Variants in WWOX observed in about 807,000 individuals in gnomAD.
WWOX encodes the protein WW domain containing oxidoreductase.
Under a neutral mutation model 46.2 loss-of-function variants are expected in WWOX, and 69 were observed. That is an observed-to-expected ratio of 1.49 (90% CI 1.23 to 1.82). WWOX has a LOEUF of 1.82. WWOX is among the 40% of genes most tolerant of loss of function. WWOX has a pLI of 0.00. For synonymous variants in WWOX, 359 were observed against 202.6 expected, an observed-to-expected ratio of 1.77 and a Z score of -6.56; for missense variants, 919 against 542.6, an observed-to-expected ratio of 1.69 and a Z score of -6.89.
chr16:78,354,398 C>G (rs1022270932), intron 5 of WWOX, among the ~76,000 whole-genome samples: 4 of 146,924 alleles, frequency 2.7e-5, no homozygotes, highest in Admixed American at 6.9e-5. Context: ...TCCAGAGGGA[C>G]TCAGGCACTT....
At chr16:78,928,573 G>T (rs966018191) in intron 8 of WWOX, among the ~76,000 whole-genome samples, 4 of 152,092 alleles carry the variant, frequency 2.6e-5, no homozygotes, top group African/African-American at 4.8e-5. Context: ...GATATTTGAT[G>T]CTTTGGGGGC....
chr16:78,187,752 C>G (rs2035756055), intron 5 of WWOX, among the ~76,000 whole-genome samples: 1 of 152,226 alleles, frequency 6.6e-6, no homozygotes, highest in Non-Finnish European at 1.5e-5. Context: ...GGAATCTTTT[C>G]TCCAGGTTTC....
chr16:78,850,683 C>T (rs563290290), intron 8 of WWOX, among the ~76,000 whole-genome samples: 1 of 152,296 alleles, frequency 6.6e-6, no homozygotes, highest in Admixed American at 6.5e-5. Flanking sequence ...CCAGGACCTA[C>T]TTGTGTCTCT....
chr16:78,259,062 A>T (rs2038209626), intron 5 of WWOX, among the ~76,000 whole-genome samples: 1 of 152,230 alleles, frequency 6.6e-6, no homozygotes, highest in South Asian at 2.1e-4. Context: ...CACGTTAATA[A>T]AAGAAGCACC....
intron 8 of WWOX, among the ~76,000 whole-genome samples, chr16:78,790,998 G>GAC (rs2050582853): frequency 8.7e-6 from 1 of 114,366 alleles, no homozygotes; most frequent in African/African-American, 3.6e-5. Context: ...CACCCTGGGT[G>GAC]ACAGATCCAG....
intron 4 of WWOX, among the ~76,000 whole-genome samples, chr16:78,149,168 G>A (rs1478246358): frequency 2.6e-5 from 4 of 151,928 alleles, no homozygotes; most frequent in African/African-American, 9.7e-5. Flanking sequence ...CCTTTGTGTT[G>A]GACGTTAATA....
At chr16:78,205,527 A>G (rs1238965157) in intron 5 of WWOX, among the ~76,000 whole-genome samples, 2 of 150,960 alleles carry the variant, frequency 1.3e-5, no homozygotes, top group Admixed American at 1.3e-4. Context: ...TCATCTATCC[A>G]CCCATCCATC....
chr16:78,297,752 A>C (rs1395802384), intron 5 of WWOX, among the ~76,000 whole-genome samples: 38 of 152,182 alleles, frequency 2.5e-4, no homozygotes, highest in Non-Finnish European at 5.9e-5. Flanking sequence ...TACAAAAGTC[A>C]TGACCTGTCT....
chr16:78,791,232 C>T (rs1418479573), intron 8 of WWOX, among the ~76,000 whole-genome samples: 2 of 151,932 alleles, frequency 1.3e-5, no homozygotes, highest in African/African-American at 4.8e-5. Flanking sequence ...CTCATGAACT[C>T]ATGGGAAGCA....
At chr16:78,240,720 G>C (rs1567451235) in intron 5 of WWOX, among the ~76,000 whole-genome samples, 1 of 152,132 alleles carries the variant, frequency 6.6e-6, no homozygotes. Context: ...TTATGCATTT[G>C]CTTACTCATA....
chr16:79,031,576 T>A (rs1194812134), intron 8 of WWOX, among the ~76,000 whole-genome samples: 1 of 152,064 alleles, frequency 6.6e-6, no homozygotes, highest in East Asian at 1.9e-4. Context: ...TTGATTGATC[T>A]GGGCATATGT....
intron 8 of WWOX, among the ~76,000 whole-genome samples, chr16:78,443,317 A>G (rs2083487411): frequency 1.3e-5 from 2 of 151,970 alleles, no homozygotes; most frequent in South Asian, 2.1e-4. Flanking sequence ...AAAAACAAAA[A>G]AAAACCCAAA....
chr16:78,136,908 C>T (rs1438680968), intron 4 of WWOX, among the ~76,000 whole-genome samples: 3 of 152,158 alleles, frequency 2.0e-5, no homozygotes, highest in Admixed American at 1.3e-4. Context: ...GCCAGACCTT[C>T]GCAGAGGGCA....
chr16:78,656,990 T>C (rs1306413633), intron 8 of WWOX, among the ~76,000 whole-genome samples: 2 of 152,180 alleles, frequency 1.3e-5, no homozygotes, highest in Non-Finnish European at 2.9e-5. Flanking sequence ...TTCGGGCACA[T>C]GGTGGATGAG....
chr16:78,436,673 A>G (rs995923378), intron 8 of WWOX, among the ~76,000 whole-genome samples: 2 of 152,136 alleles, frequency 1.3e-5, no homozygotes, highest in African/African-American at 4.8e-5. Flanking sequence ...TTGCTTGTCA[A>G]ATTCACAGGC....
Position 78,256,898 on chromosome 16 carries a change from C to A in WWOX, c.516+92609C>A, listed in dbSNP as rs1280422608. On this transcript the variant is annotated intron_variant, in intron 5 of 8. Transcript: ENST00000566780. ...CCAACTGAGTTGTTCAGTGTACAGA[C>A]TGAACAACCATACAGGGAATCCCTA... 2.0e-5 allele frequency among the ~76,000 whole-genome samples: 3 copies of A among 152,018 alleles called. No homozygotes were observed. In the East Asian group the frequency reaches 5.8e-4, roughly 30 times the overall value.
chr16:78,510,276 A>C (rs1174731629), intron 8 of WWOX, among the ~76,000 whole-genome samples: 1 of 151,892 alleles, frequency 6.6e-6, no homozygotes, highest in African/African-American at 2.4e-5. Context: ...CGCGATCTCC[A>C]CTCACCGCAA....
chr16:79,031,201 G>C (rs1405690639), intron 8 of WWOX, among the ~76,000 whole-genome samples: 1 of 152,120 alleles, frequency 6.6e-6, no homozygotes, highest in Non-Finnish European at 1.5e-5. Context: ...CTTCTTGAGG[G>C]TGTTTAGGGA....
intron 8 of WWOX, among the ~76,000 whole-genome samples, chr16:78,817,429 C>T (rs1199261551): frequency 6.6e-6 from 1 of 152,120 alleles, no homozygotes; most frequent in Non-Finnish European, 1.5e-5. Context: ...TCTTCAGCTA[C>T]CAACAATCAT....
Sources: gnomAD v4.1 joint callset for allele counts (sites outside exome capture counted in the v4.1 genomes callset) on GRCh38, gnomAD v4.1.1 for gene constraint, MANE v1.5 for transcripts, NCBI Gene and HGNC (gene_info 2026-07-23, HGNC 2026-07-21) for gene names.